Variants in FRK observed in about 807,000 individuals in gnomAD.
The protein encoded by FRK is fyn related Src family tyrosine kinase.
In FRK, 51 loss-of-function variants were observed where a neutral mutation model predicts 56.4. The observed-to-expected ratio is 0.90, with a 90% CI of 0.72 to 1.14. The LOEUF is 1.14. Among genes scored for constraint, FRK ranks in the 50% most tolerant of loss-of-function variants. FRK has a pLI of 0.00. For synonymous variants in FRK, 245 were observed against 217.9 expected (o/e 1.12, Z -1.10); for missense variants, 570 against 601.4 (o/e 0.95, Z 0.55).
At chr6:115,979,536 AT>A (rs1774121884) in intron 2 of FRK, among the ~76,000 whole-genome samples, 1 of 152,082 alleles carries the variant, frequency 6.6e-6, no homozygotes, top group African/African-American at 2.4e-5. Flanking sequence ...AAAGAAAAAT[AT>A]TTTTTATAAA....
At chr6:115,965,993 A>G (rs1773552818) in intron 4 of FRK, among the ~76,000 whole-genome samples, 1 of 119,476 alleles carries the variant, frequency 8.4e-6, no homozygotes, top group Admixed American at 8.7e-5. Context: ...TGGCACATGT[A>G]TACATATGTA....
At chr6:115,989,907 G>C (rs576769607) in intron 2 of FRK, among the ~76,000 whole-genome samples, 1 of 151,986 alleles carries the variant, frequency 6.6e-6, no homozygotes, top group Admixed American at 6.6e-5. Flanking sequence ...CCCACTACCA[G>C]TGCACAAGCA....
rs193055072 is a variant in FRK, at chr6:116,011,782, A to G, written c.345-7784T>C. Reference sequence around the variant, plus strand: ...GAAAGGCTTGATTCATGCCCCTTGAACTATTATGGTTCGGTATGACTCACC... The same window carrying G: ...GAAAGGCTTGATTCATGCCCCTTGAGCTATTATGGTTCGGTATGACTCACC... On this transcript the variant is annotated intron_variant, in intron 1 of 7. Transcript: ENST00000606080. Among the ~76,000 whole-genome samples the G allele has an allele frequency of 4.6e-5, 7 of 152,258 alleles. No homozygotes were observed. The East Asian group carries it at 1.4e-3, about 29-fold the overall frequency.
chr6:115,993,557 G>A (rs1774703854), intron 2 of FRK, among the ~76,000 whole-genome samples: 1 of 151,648 alleles, frequency 6.6e-6, no homozygotes, highest in South Asian at 2.1e-4. Context: ...ATATAAAAGA[G>A]GGCTTGGCCT....
At chr6:115,948,626 C>T (rs1023032625) in intron 5 of FRK, among the ~76,000 whole-genome samples, 2 of 152,214 alleles carry the variant, frequency 1.3e-5, no homozygotes, top group Non-Finnish European at 1.5e-5. Context: ...TTAACTCCCA[C>T]TTATAACTTA....
chr6:115,968,620 T>C lies in FRK; in HGVS notation c.586A>G (p.Thr196Ala). 1.2e-6 allele frequency: 2 copies of C among 1,613,892 alleles called. No homozygotes were observed. The highest frequency in any genetic ancestry group is 1.7e-6 in the Non-Finnish European group (2 of 1,179,832). The change falls in exon 3 of 8, where the codon ACA (threonine) becomes GCA (alanine). Residue 196 changes from threonine (T) to alanine (A), a missense_variant. Coordinates refer to ENST00000606080, the MANE Select transcript of FRK (RefSeq NM_002031.3). ...LNEFVSHYTK[T>A]SDGLCVKLGK... The stretch of plus-strand genomic sequence containing the variant: ...AGCTTGACACACAGGCCGTCACTTG[T>C]CTTGGTGTAGTGGCTCACAAATTCG...
At chr6:116,061,846 C>A (rs939802672), upstream of FRK, among the ~76,000 whole-genome samples, 1 of 152,002 alleles carries the variant, frequency 6.6e-6, no homozygotes, top group Admixed American at 6.6e-5. Flanking sequence ...TTGAACCTGG[C>A]TAACCTATTC....
At chr6:116,041,092 G>A (rs964437185) in intron 1 of FRK, among the ~76,000 whole-genome samples, 1 of 152,104 alleles carries the variant, frequency 6.6e-6, no homozygotes, top group African/African-American at 2.4e-5. Flanking sequence ...TAAATCAATA[G>A]CATGTCTTTC....
At chr6:116,017,792 G>A (rs1775708541) in intron 1 of FRK, among the ~76,000 whole-genome samples, 1 of 152,054 alleles carries the variant, frequency 6.6e-6, no homozygotes, top group South Asian at 2.1e-4. Context: ...AGAAGAGGGG[G>A]ACTTTCTCTT....
intron 5 of FRK, among the ~76,000 whole-genome samples, chr6:115,947,592 T>C (rs1772519352): frequency 1.3e-5 from 2 of 152,130 alleles, no homozygotes; most frequent in African/African-American, 4.8e-5. Flanking sequence ...TCTTTATGGC[T>C]AGAGGGATGC....
At chr6:116,036,754 C>G (rs972675599) in intron 1 of FRK, among the ~76,000 whole-genome samples, 1 of 151,922 alleles carries the variant, frequency 6.6e-6, no homozygotes, top group South Asian at 2.1e-4. Flanking sequence ...AGTAAAATAA[C>G]GTTACAACAT....
chr6:116,094,499 C>T, the FRK span, among the ~76,000 whole-genome samples: 3 of 152,218 alleles, frequency 2.0e-5, no homozygotes, highest in Non-Finnish European at 4.4e-5. Context: ...GACTTTGCTA[C>T]AGATAGTAAG....
rs190282268 is a variant in FRK, at chr6:116,004,392, C to T, written c.345-394G>A. ...CAACCATCCACTGCTTCCCCTAACA[C>T]CTCTGAGCTGTTAGGAGGCAAATAT... On this transcript the variant is annotated intron_variant, in intron 1 of 7. Transcript: ENST00000606080. 1.9e-3 allele frequency among the ~76,000 whole-genome samples: 288 copies of T among 152,256 alleles called. 1 individual carries two copies. The highest frequency in any genetic ancestry group is 6.0e-3 in the African/African-American group (250 of 41,522).
Position 115,942,891 on chromosome 6 carries a change from A to G in FRK, c.1306+129T>C, listed in dbSNP as rs1360500961. On this transcript the variant is annotated intron_variant, in intron 7 of 7. Coordinates refer to ENST00000606080, the MANE Select transcript of FRK (RefSeq NM_002031.3). ...AAATTATCATCATCAAATTTTATCT[A>G]TCAAGCTCCCGCAGGTATGGTATGG... 1.4e-5 allele frequency: 13 copies of G among 905,850 alleles called. No individual in the cohort carries two copies. The Admixed American group carries it at 1.7e-4, about 12-fold the overall frequency. 56.1% of individuals were successfully genotyped at this position (905,850 alleles called of 1,614,324 possible). A position where few individuals can be genotyped will look rare whatever the true frequency, so the allele number is the denominator to read the frequency against.
rs189663352 is a variant in FRK at position 115,982,973 on chromosome 6, G to A, written c.467-14234C>T. Among the ~76,000 whole-genome samples the A allele has an allele frequency of 1.5e-4, 23 of 151,864 alleles. No individual in the cohort carries two copies. The East Asian group carries it at 4.3e-3, about 28-fold the overall frequency. On this transcript the variant is annotated intron_variant, in intron 2 of 7. Transcript: ENST00000606080. ...TCTAATCCCAGCTACTAGGGAGGCT[G>A]AGGCACAAGAATTGCTTGAACATGG...
intron 2 of FRK, among the ~76,000 whole-genome samples, chr6:115,981,868 C>A (rs923846407): frequency 1.3e-5 from 2 of 151,914 alleles, no homozygotes; most frequent in African/African-American, 4.8e-5. Context: ...ATTATTAATT[C>A]TCATTTCTAC....
chr6:115,953,015 A>G (rs1433311982), intron 5 of FRK, among the ~76,000 whole-genome samples: 1 of 151,860 alleles, frequency 6.6e-6, no homozygotes, highest in Non-Finnish European at 1.5e-5. Context: ...TGGCACATGT[A>G]TACATAAGTA....
intron 1 of FRK, among the ~76,000 whole-genome samples, chr6:116,042,544 T>C (rs779767001): frequency 3.3e-5 from 5 of 152,208 alleles, no homozygotes; most frequent in African/African-American, 4.8e-5. Flanking sequence ...CTGAGAGATT[T>C]TGTCATCACC....
the FRK span, among the ~76,000 whole-genome samples, chr6:116,084,973 G>T: frequency 1.2e-4 from 18 of 152,156 alleles, no homozygotes; most frequent in Admixed American, 6.5e-5. Flanking sequence ...TGGCCTCTAA[G>T]GATTGTTGGG....
Sources: gnomAD v4.1 joint callset for allele counts (sites outside exome capture counted in the v4.1 genomes callset) on GRCh38, gnomAD v4.1.1 for gene constraint, MANE v1.5 for transcripts, NCBI Gene and HGNC (gene_info 2026-07-23, HGNC 2026-07-21) for gene names.